The following SACS variants were observed in gnomAD, a reference collection of about 807,000 sequenced individuals.
SACS encodes sacsin molecular chaperone.
SACS carries 197 observed loss-of-function variants against 348.0 expected under a neutral mutation model. The observed-to-expected ratio is 0.57, with a 90% CI of 0.50 to 0.64. The LOEUF (loss-of-function observed/expected upper bound fraction) is 0.64. Among genes scored for constraint, SACS ranks in the 30% least tolerant of loss-of-function variants. The pLI is 0.00. For missense variants in SACS, 4,999 were observed against 5,360.8 expected, an observed-to-expected ratio of 0.93 and a Z score of 2.11; for synonymous variants, 1,985 against 1,910.6, an observed-to-expected ratio of 1.04 and a Z score of -1.02.
intron 2 of SACS, among the ~76,000 whole-genome samples, chr13:23,387,044 T>C (rs1210397359): frequency 6.6e-6 from 1 of 152,170 alleles, no homozygotes; most frequent in African/African-American, 2.4e-5. Context: ...TGAAAATGTT[T>C]AAAATATTAT....
In SACS at chr13:23,333,161, G is replaced by A. The variant is rs1025785727; in HGVS notation, c.10715C>T (p.Pro3572Leu). ...TGTCATAAATGTAACATGATTTTTGGGTTTTATAAGTTGTTCCAATTTCTT... is the reference window on the plus strand; with the variant it reads ...TGTCATAAATGTAACATGATTTTTGAGTTTTATAAGTTGTTCCAATTTCTT... ...FFKKLEQLIKPKNHVTFMTSW... is the reference protein window; with the variant it reads ...FFKKLEQLIKLKNHVTFMTSW... Residue 3572 changes from proline to leucine, a missense_variant, in exon 10 of 10, where the codon CCC becomes CTC. Pro to Leu is a moderately conservative substitution (Grantham distance 98). Transcript: ENST00000382292. The A allele has an allele frequency of 1.2e-6, 2 of 1,609,334 alleles. No individual in the cohort carries two copies. Among genetic ancestry groups the A allele is most frequent in the Non-Finnish European group, 1.7e-6 (2 of 1,178,246 alleles).
Position 23,332,074 on chromosome 13 carries a change from G to C in SACS, c.11802C>G (p.Ile3934Met). The C allele has an allele frequency of 6.2e-7, 1 of 1,614,016 alleles. No individual in the cohort carries two copies. Among genetic ancestry groups the C allele is most frequent in the Non-Finnish European group, 8.5e-7 (1 of 1,179,956 alleles). ...ACATTTGCACACCAATATTCCCCTG[G>C]ATTCTACTTTTATAATGTGGCGCAT... ...FDDAPHYKSR[I>M]QGNIGVQMLV... The change falls in exon 10 of 10, where the codon ATC (isoleucine) becomes ATG (methionine). Residue 3934 changes from isoleucine to methionine, a missense_variant. Transcript: ENST00000382292.
At chr13:23,366,766 TGA>T (rs1264851838) in intron 5 of SACS, among the ~76,000 whole-genome samples, 1 of 152,214 alleles carries the variant, frequency 6.6e-6, no homozygotes, top group African/African-American at 2.4e-5. Context: ...ATTGCAATCC[TGA>T]GAGATTGTTT....
At chr13:23,353,693 G>A (rs1870118525) in intron 9 of SACS, 92 bp downstream of exon 9, 1 of 713,686 alleles carries the variant, frequency 1.4e-6, no homozygotes, top group African/African-American at 1.8e-5. Flanking sequence ...AGAAATTGTT[G>A]ATTTATAGGT....
rs1555250557 is a variant in SACS at position 23,334,247 on chromosome 13, TCAAA to T, written c.9625_9628del (p.Phe3209ThrfsTer46). On this transcript the variant is annotated frameshift_variant, in exon 10 of 10. Transcript: ENST00000382292. LOFTEE classifies it high-confidence loss of function. ...TAACAAATCAGCAAAGCTGGAAATG[TCAAA>T]CACTTTTGCAACTTTACAGTTCAAT... 6.2e-7 allele frequency: 1 copy of T among 1,613,296 alleles called. No homozygotes were observed. The highest frequency in any genetic ancestry group is 1.1e-5 in the South Asian group (1 of 90,978).
At position 23,358,372 on chromosome 13, in the gene SACS, T is replaced by C; in HGVS notation, c.567A>G (p.Arg189=). Residue 189 remains arginine, a synonymous_variant, in exon 7 of 10, where the codon AGA becomes AGG. Transcript: ENST00000382292. The part of the protein sequence containing the change: ...RKKDDPLKVG[R]FGIGFNSVYH... ...AGACAGAATTAAACCCAATTCCAAA[T>C]CTTCCGACCTTCAGAGGATCATCCT... is the stretch of plus-strand genomic sequence containing the variant. 6.2e-7 allele frequency: 1 copy of C among 1,614,212 alleles called. No homozygotes were observed. The highest frequency in any genetic ancestry group is 8.5e-7 in the Non-Finnish European group (1 of 1,180,028).
intron 1 of SACS, among the ~76,000 whole-genome samples, chr13:23,423,779 C>T (rs913630833): frequency 6.6e-6 from 1 of 152,168 alleles, no homozygotes; most frequent in Non-Finnish European, 1.5e-5. Flanking sequence ...AATACGGAGC[C>T]TTAATAACTA....
In SACS at chr13:23,369,203, T is replaced by C. The variant is rs554087513; in HGVS notation, c.260-716A>G. On this transcript the variant is annotated intron_variant, in intron 4 of 9. Transcript: ENST00000382292. Reference sequence around the variant, plus strand: ...GAGGTGCCTATTATCACATTCTTAATATTCTCAAATTCAACCAGTGTTCTG... The same window carrying C: ...GAGGTGCCTATTATCACATTCTTAACATTCTCAAATTCAACCAGTGTTCTG... Among the ~76,000 whole-genome samples the C allele has an allele frequency of 4.6e-5, 7 of 152,304 alleles. No homozygotes were observed. In the South Asian group the frequency reaches 1.2e-3, roughly 27 times the overall value.
chr13:23,368,600 A>G (rs1728163928), intron 4 of SACS, 113 bp from the exon 5 acceptor site: 5 of 747,278 alleles, frequency 6.7e-6, no homozygotes, highest in African/African-American at 1.7e-5. Flanking sequence ...GGTTGCATAT[A>G]TCTCACTGCA....
chr13:23,416,685 A>G (rs1873704994), intron 1 of SACS, among the ~76,000 whole-genome samples: 1 of 151,650 alleles, frequency 6.6e-6, no homozygotes, highest in African/African-American at 2.4e-5. Flanking sequence ...TGAGCCCGGG[A>G]GGCAGAGGTT....
chr13:23,358,502 G>A (rs1438603337), intron 6 of SACS, 21 bp from the exon 7 acceptor site: 2 of 1,613,626 alleles, frequency 1.2e-6, no homozygotes, highest in East Asian at 4.5e-5. Context: ...AAATGCGCAG[G>A]CAGGAATTCA....
Position 23,411,260 on chromosome 13 carries a change from T to C in SACS, c.-21A>G, listed in dbSNP as rs759032147. 1.9e-6 allele frequency: 3 copies of C among 1,603,178 alleles called. No homozygotes were observed. In the South Asian group the frequency reaches 3.3e-5, roughly 18 times the overall value. ...TCCATGATCACTTCTCCTGGGATAT[T>C]TGTTTGTGAAAACCATGAAAGTACG... On this transcript the variant is annotated 5_prime_UTR_variant, in exon 2 of 10. Coordinates refer to ENST00000382292, the MANE Select transcript of SACS (RefSeq NM_014363.6).
At chr13:23,429,168 G>T (rs999914392) in intron 1 of SACS, among the ~76,000 whole-genome samples, 6 of 151,944 alleles carry the variant, frequency 3.9e-5, no homozygotes, top group African/African-American at 1.5e-4. Context: ...TATATTTGAT[G>T]TTTAAGTGTC....
chr13:23,409,205 C>T (rs1873378410), intron 2 of SACS, among the ~76,000 whole-genome samples: 1 of 147,028 alleles, frequency 6.8e-6, no homozygotes, highest in African/African-American at 2.5e-5. Context: ...TACAGGTGCC[C>T]ACCACCACGC....
In SACS at chr13:23,337,063, A is replaced by C. The variant is rs762790508; in HGVS notation, c.6813T>G (p.Cys2271Trp). The C allele has an allele frequency of 4.3e-6, 7 of 1,614,000 alleles. No individual in the cohort carries two copies. The South Asian group carries it at 7.7e-5, about 18-fold the overall frequency. Residue 2271 changes from cysteine (C) to tryptophan (W), a missense_variant, in exon 10 of 10, where the codon TGT (cysteine) becomes TGG (tryptophan). Transcript: ENST00000382292. Reference protein sequence around the residue: ...LNENSHSFRGCGSVSLAVKEF... With the variant: ...LNENSHSFRGWGSVSLAVKEF... ...CTTTAACAGCCAATGACACTGAACC[A>C]CAACCTCTAAAAGAATGGGAATTTT...
At chr13:23,375,563 G>GCTCCCGGCCCA (rs1871734373) in intron 2 of SACS, 6 of 1,039,362 alleles carry the variant, frequency 5.8e-6, no homozygotes, top group Middle Eastern at 4.5e-4. Flanking sequence ...GGGACTGCGC[G>GCTCCCGGCCCA]CTCCCGGCCC....
In SACS at chr13:23,341,115, T is replaced by C. The variant is rs753686569; in HGVS notation, c.2761A>G (p.Ile921Val). ...TDSSEKEKRI[I>V]QELAIFKRIN... ...CGCTTGAATATTGCCAATTCTTGAA[T>C]AATTCTTTTCTCTTTCTCACTGCTA... The change falls in exon 10 of 10, where the codon ATT becomes GTT. Residue 921 changes from isoleucine (I) to valine (V), a missense_variant. Around this residue, in one of 6 missense-constraint regions of SACS, gnomAD observed 3,156 missense variants for 3,380.1 expected, o/e 0.93. Coordinates refer to ENST00000382292, the MANE Select transcript of SACS (RefSeq NM_014363.6). The C allele has an allele frequency of 6.2e-7, 1 of 1,613,656 alleles. No individual in the cohort carries two copies. Among genetic ancestry groups the C allele is most frequent in the Non-Finnish European group, 8.5e-7 (1 of 1,179,982 alleles).
At chr13:23,404,948 T>TA (rs1272970270) in intron 2 of SACS, among the ~76,000 whole-genome samples, 2 of 152,132 alleles carry the variant, frequency 1.3e-5, no homozygotes, top group African/African-American at 4.8e-5. Context: ...CGCTCATGGA[T>TA]AGGAAGAATC....
In SACS at chr13:23,332,591, T is replaced by C; in HGVS notation, c.11285A>G (p.Asp3762Gly). The C allele has an allele frequency of 1.2e-6, 2 of 1,613,756 alleles. No homozygotes were observed. The highest frequency in any genetic ancestry group is 1.7e-6 in the Non-Finnish European group (2 of 1,179,898). ...TGCTCTAGTTTTTACCATTTCTTCA[T>C]CCAACGTCGTTATGTTGCATATGTT... ...CRNICNITTL[D>G]EEMVKTRAKV... The change falls in exon 10 of 10, where the codon GAT becomes GGT. Residue 3762 changes from aspartate to glycine, a missense_variant. Asp to Gly is a moderately conservative substitution (Grantham distance 94). Transcript: ENST00000382292.
Sources: gnomAD v4.1 joint callset for allele counts (sites outside exome capture counted in the v4.1 genomes callset) on GRCh38, gnomAD v4.1.1 for gene constraint, gnomAD v4.1.1 regional missense constraint, MANE v1.5 for transcripts, NCBI Gene and HGNC (gene_info 2026-07-23, HGNC 2026-07-21) for gene names.